The following SSBP3 variants were observed in gnomAD, a reference collection of about 807,000 sequenced individuals.
The protein encoded by SSBP3 is single stranded DNA binding protein 3, also known as single-stranded DNA-binding protein 3.
Under a neutral mutation model 69.6 loss-of-function variants are expected in SSBP3, and 5 were observed. The observed-to-expected ratio is 0.07, with a 90% CI of 0.04 to 0.15. SSBP3 has a LOEUF of 0.15. Among genes scored for constraint, SSBP3 ranks in the 10% least tolerant of loss-of-function variants. The pLI is 1.00. For missense variants in SSBP3, 312 were observed against 534.0 expected, an observed-to-expected ratio of 0.58 and a Z score of 4.10; for synonymous variants, 196 against 193.4, an observed-to-expected ratio of 1.01 and a Z score of -0.11.
intron 13 of SSBP3, 34 bp downstream of exon 13, chr1:54,240,871 C>T: frequency 6.2e-7 from 1 of 1,613,186 alleles, no homozygotes; most frequent in Non-Finnish European, 8.5e-7. Flanking sequence ...CCCTCCACCA[C>T]CAGACCCCCC....
chr1:54,246,684 C>T (rs1214030856), intron 9 of SSBP3, among the ~76,000 whole-genome samples: 3 of 152,210 alleles, frequency 2.0e-5, no homozygotes, highest in Admixed American at 2.0e-4. Flanking sequence ...TCCACCAGTC[C>T]TGCCGCCTAT....
intron 10 of SSBP3, 124 bp from the exon 11 acceptor site, chr1:54,242,336 G>A (rs547264188): frequency 6.3e-6 from 7 of 1,103,126 alleles, no homozygotes; most frequent in Admixed American, 6.0e-5. Flanking sequence ...CAGCCCTGCG[G>A]TTTAGAGCCT....
chr1:54,268,125 G>A (rs1306546075), intron 5 of SSBP3, among the ~76,000 whole-genome samples: 2 of 152,218 alleles, frequency 1.3e-5, no homozygotes, highest in Non-Finnish European at 2.9e-5. Flanking sequence ...GACCTCTACT[G>A]GTGCAGGAGA....
intron 4 of SSBP3, among the ~76,000 whole-genome samples, chr1:54,303,378 C>CCAGGGGG (rs55735843): frequency 0.27 from 40,829 of 151,060 alleles, 5,895 homozygotes; most frequent in Middle Eastern, 0.38. Flanking sequence ...GACAGTCAGC[C>CCAGGGGG]CAGGGGGCAG....
intron 8 of SSBP3, 34 bp downstream of exon 8, chr1:54,251,760 C>T (rs1203017614): frequency 2.5e-6 from 4 of 1,604,754 alleles, no homozygotes; most frequent in Admixed American, 1.7e-5. Flanking sequence ...TCCTGGCATC[C>T]CCAGCCACCC....
At chr1:54,312,685 C>T (rs1204075836) in intron 4 of SSBP3, among the ~76,000 whole-genome samples, 1 of 152,200 alleles carries the variant, frequency 6.6e-6, no homozygotes, top group Non-Finnish European at 1.5e-5. Flanking sequence ...AAGGCTCCCA[C>T]CCATTCTGAT....
At chr1:54,289,612 G>A (rs557289263) in intron 4 of SSBP3, among the ~76,000 whole-genome samples, 1 of 152,300 alleles carries the variant, frequency 6.6e-6, no homozygotes, top group South Asian at 2.1e-4. Flanking sequence ...GGGGATTAGG[G>A]GGATCAGGGA....
chr1:54,308,348 T>C (rs916622483), intron 4 of SSBP3, among the ~76,000 whole-genome samples: 1 of 150,074 alleles, frequency 6.7e-6, no homozygotes, highest in African/African-American at 2.5e-5. Context: ...ATGCCTGTAA[T>C]CCCAGCACTT....
chr1:54,337,174 G>T (rs1282292893), intron 4 of SSBP3, among the ~76,000 whole-genome samples: 1 of 152,116 alleles, frequency 6.6e-6, no homozygotes, highest in African/African-American at 2.4e-5. Flanking sequence ...AGTGGAATCG[G>T]CCAGCAACCT....
At chr1:54,370,825 G>A (rs1392605492) in intron 4 of SSBP3, among the ~76,000 whole-genome samples, 1 of 152,080 alleles carries the variant, frequency 6.6e-6, no homozygotes, top group Non-Finnish European at 1.5e-5. Context: ...TGGTGGCTGT[G>A]AGTGGTGGCA....
intron 4 of SSBP3, among the ~76,000 whole-genome samples, chr1:54,368,769 G>A (rs181065025): frequency 6.6e-6 from 1 of 152,186 alleles, no homozygotes; most frequent in Admixed American, 6.5e-5. Context: ...TGAAGAGCTG[G>A]GAAAGCTGAT....
chr1:54,327,186 G>A (rs185230074), intron 4 of SSBP3, among the ~76,000 whole-genome samples: 43 of 149,468 alleles, frequency 2.9e-4, no homozygotes, highest in African/African-American at 9.4e-4. Context: ...CCCTTCTCCC[G>A]CTTCCTAATG....
intron 4 of SSBP3, among the ~76,000 whole-genome samples, chr1:54,379,617 A>C (rs797019948): frequency 1.3e-5 from 2 of 152,200 alleles, no homozygotes; most frequent in African/African-American, 4.8e-5. Flanking sequence ...CAAGCCAAGA[A>C]AGAGGCGGTA....
At chr1:54,245,037 A>G (rs937050547) in intron 9 of SSBP3, among the ~76,000 whole-genome samples, 2 of 152,114 alleles carry the variant, frequency 1.3e-5, no homozygotes, top group African/African-American at 2.4e-5. Flanking sequence ...GGCACTCACT[A>G]CGCTGGCACT....
chr1:54,253,750 G>A (rs1418158062), intron 7 of SSBP3, among the ~76,000 whole-genome samples: 10 of 152,204 alleles, frequency 6.6e-5, no homozygotes, highest in African/African-American at 2.4e-4. Flanking sequence ...GGACATGGAG[G>A]TGGATGGGGG....
chr1:54,346,043 C>T (rs1169294365), intron 4 of SSBP3, among the ~76,000 whole-genome samples: 1 of 151,550 alleles, frequency 6.6e-6, no homozygotes, highest in African/African-American at 2.4e-5. Flanking sequence ...CACGCCTGTA[C>T]TCCCATCTAC....
chr1:54,261,377 G>A (rs1645015228), intron 5 of SSBP3, among the ~76,000 whole-genome samples: 1 of 152,206 alleles, frequency 6.6e-6, no homozygotes, highest in African/African-American at 2.4e-5. Context: ...CGGACTTTGT[G>A]CTCTTTTGGA....
intron 4 of SSBP3, among the ~76,000 whole-genome samples, chr1:54,333,956 T>C (rs981696980): frequency 2.0e-5 from 3 of 152,174 alleles, no homozygotes; most frequent in East Asian, 3.9e-4. Flanking sequence ...ACTCAGAGAC[T>C]GAGATGGAAG....
At chr1:54,362,663 C>A (rs1194143160) in intron 4 of SSBP3, among the ~76,000 whole-genome samples, 1 of 152,222 alleles carries the variant, frequency 6.6e-6, no homozygotes, top group South Asian at 2.1e-4. Flanking sequence ...GCCTTGAAAG[C>A]ATCTGAAAAT....
Sources: gnomAD v4.1 joint callset for allele counts (sites outside exome capture counted in the v4.1 genomes callset) on GRCh38, gnomAD v4.1.1 for gene constraint, MANE v1.5 for transcripts, NCBI Gene and HGNC (gene_info 2026-07-23, HGNC 2026-07-21) for gene names.